The following NBAS variants were observed in gnomAD, a reference collection of about 807,000 sequenced individuals.
NBAS encodes NBAS subunit of NRZ tethering complex.
In NBAS, 219 loss-of-function variants were observed where a neutral mutation model predicts 302.5. The ratio of observed to expected loss-of-function variants is 0.72; its 90% CI spans 0.65 to 0.81. NBAS has a LOEUF of 0.81. NBAS is among the 30% of genes least tolerant of loss of function. The pLI is 0.00. For missense variants in NBAS, 2,932 were observed against 2,841.6 expected (o/e 1.03, Z -0.72); for synonymous variants, 1,118 against 1,021.6 (o/e 1.09, Z -1.80).
chr2:15,135,804 C>T, the NBAS span, among the ~76,000 whole-genome samples: 1 of 149,030 alleles, frequency 6.7e-6, no homozygotes, highest in African/African-American at 2.5e-5. Context: ...CTGGGACACA[C>T]TGGAAAAAGA....
chr2:14,855,061 C>T, the NBAS span, among the ~76,000 whole-genome samples: 1 of 151,966 alleles, frequency 6.6e-6, no homozygotes, highest in Non-Finnish European at 1.5e-5. Flanking sequence ...AGAACTTTGT[C>T]TTGTATCCAG....
intron 47 of NBAS, among the ~76,000 whole-genome samples, chr2:15,223,813 G>C (rs903766394): frequency 2.0e-5 from 3 of 149,590 alleles, no homozygotes; most frequent in Non-Finnish European, 4.4e-5. Flanking sequence ...TGGTGACAGA[G>C]CAAGACTCCA....
intron 21 of NBAS, among the ~76,000 whole-genome samples, chr2:15,448,568 A>T (rs1678860676): frequency 6.6e-6 from 1 of 152,164 alleles, no homozygotes; most frequent in Non-Finnish European, 1.5e-5. Flanking sequence ...TCTCCACATT[A>T]AGTATGTCAG....
chr2:15,518,927 C>G (rs1469051851), intron 9 of NBAS, among the ~76,000 whole-genome samples: 1 of 152,104 alleles, frequency 6.6e-6, no homozygotes, highest in Non-Finnish European at 1.5e-5. Flanking sequence ...ATGGGAAAGA[C>G]TCGCCCCCAT....
At chr2:15,492,943 T>C (rs1159991792) in intron 11 of NBAS, among the ~76,000 whole-genome samples, 1 of 152,112 alleles carries the variant, frequency 6.6e-6, no homozygotes, top group Non-Finnish European at 1.5e-5. Flanking sequence ...AGTAATATGG[T>C]TTGGCTCTAT....
the NBAS span, among the ~76,000 whole-genome samples, chr2:14,842,520 A>T: frequency 6.6e-6 from 1 of 152,030 alleles, no homozygotes; most frequent in Middle Eastern, 3.2e-3. Flanking sequence ...AAGAAGAATC[A>T]CCAGAGACTA....
the NBAS span, among the ~76,000 whole-genome samples, chr2:14,861,917 G>A: frequency 1.3e-5 from 2 of 152,150 alleles, no homozygotes; most frequent in East Asian, 3.9e-4. Flanking sequence ...TAGGACCACA[G>A]AACAGACCTA....
chr2:15,163,034 A>T (rs1016012417), downstream of NBAS, among the ~76,000 whole-genome samples: 1 of 152,218 alleles, frequency 6.6e-6, no homozygotes, highest in Non-Finnish European at 1.5e-5. Context: ...ATCTCGTGCC[A>T]CGGGCCTGCC....
the NBAS span, among the ~76,000 whole-genome samples, chr2:14,878,473 GC>G: frequency 6.6e-6 from 1 of 152,162 alleles, no homozygotes; most frequent in African/African-American, 2.4e-5. Context: ...GGGTGGGCCA[GC>G]TTCCTTTGGC....
chr2:15,500,830 A>C (rs1049064633), intron 11 of NBAS, among the ~76,000 whole-genome samples: 20 of 151,766 alleles, frequency 1.3e-4, no homozygotes, highest in Non-Finnish European at 1.9e-4. Context: ...AGGCTGAGGC[A>C]GGAGAATGGC....
chr2:14,986,547 C>A, the NBAS span, among the ~76,000 whole-genome samples: 1 of 152,022 alleles, frequency 6.6e-6, no homozygotes, highest in African/African-American at 2.4e-5. Context: ...TTTAAAGAAA[C>A]CTAACTGAAT....
chr2:14,990,258 C>CA, the NBAS span, among the ~76,000 whole-genome samples: 1,918 of 59,630 alleles, frequency 0.032, 28 homozygotes, highest in South Asian at 0.077. Flanking sequence ...ACTAAAACTC[C>CA]AAAAAAAAAA....
the NBAS span, among the ~76,000 whole-genome samples, chr2:15,114,548 C>G: frequency 2.6e-4 from 40 of 152,272 alleles, no homozygotes; most frequent in African/African-American, 9.1e-4. Context: ...CAACCCATAA[C>G]AGGAGCCTGT....
Position 15,427,704 on chromosome 2 carries a change from T to C in NBAS, c.2423+7A>G. On this transcript the variant is annotated splice_region_variant and intron_variant, in intron 22 of 51. Coordinates refer to ENST00000281513, the MANE Select transcript of NBAS (RefSeq NM_015909.4). ...AACAAAGATGCCTCCTGCAGGCTCA[T>C]ACTGACCTGCAAGCCAACTCCTCGC... is the stretch of plus-strand genomic sequence containing the variant. The C allele has an allele frequency of 6.2e-7, 1 of 1,605,822 alleles. No individual in the cohort carries two copies.
intron 28 of NBAS, among the ~76,000 whole-genome samples, chr2:15,386,167 G>A (rs1268354152): frequency 1.3e-5 from 2 of 152,198 alleles, no homozygotes; most frequent in East Asian, 1.9e-4. Context: ...ATGTGTTAAT[G>A]ACTGTAGTAT....
intron 44 of NBAS, among the ~76,000 whole-genome samples, chr2:15,254,637 C>A (rs572209164): frequency 2.6e-5 from 4 of 152,114 alleles, no homozygotes; most frequent in Non-Finnish European, 2.9e-5. Flanking sequence ...TTTTGGTGTA[C>A]CCATCACTGG....
intron 9 of NBAS, among the ~76,000 whole-genome samples, chr2:15,514,292 G>GCT (rs1337938901): frequency 1.3e-5 from 2 of 152,056 alleles, no homozygotes; most frequent in Non-Finnish European, 2.9e-5. Flanking sequence ...TTTTGTACAT[G>GCT]CTTCAAATTT....
the NBAS span, among the ~76,000 whole-genome samples, chr2:15,028,649 G>T: frequency 6.6e-6 from 1 of 152,216 alleles, no homozygotes; most frequent in South Asian, 2.1e-4. Context: ...CAGTGTCTCT[G>T]TCCTCAAACC....
At chr2:15,249,805 G>C (rs2147982011) in intron 44 of NBAS, among the ~76,000 whole-genome samples, 1 of 152,248 alleles carries the variant, frequency 6.6e-6, no homozygotes, top group South Asian at 2.1e-4. Flanking sequence ...CAGGAAATAA[G>C]GGAGGACACA....
Sources: gnomAD v4.1 joint callset for allele counts (sites outside exome capture counted in the v4.1 genomes callset) on GRCh38, gnomAD v4.1.1 for gene constraint, MANE v1.5 for transcripts, NCBI Gene and HGNC (gene_info 2026-07-23, HGNC 2026-07-21) for gene names.